Variants in CEMIP observed in about 807,000 individuals in gnomAD.
The protein encoded by CEMIP is cell migration-inducing and hyaluronan-binding protein.
Under a neutral mutation model 156.9 loss-of-function variants are expected in CEMIP, and 105 were observed. The observed-to-expected ratio is 0.67, with a 90% CI of 0.57 to 0.79. The LOEUF (loss-of-function observed/expected upper bound fraction) is 0.79. Among genes scored for constraint, CEMIP ranks in the 30% least tolerant of loss-of-function variants. The probability of loss-of-function intolerance (pLI) is 0.00; values close to 1 mark genes in which losing one functional copy is unlikely to be tolerated. For synonymous variants in CEMIP, 676 were observed against 668.4 expected, an observed-to-expected ratio of 1.01 and a Z score of -0.17; for missense variants, 1,457 against 1,769.4, an observed-to-expected ratio of 0.82 and a Z score of 3.17.
intron 10 of CEMIP, among the ~76,000 whole-genome samples, chr15:80,893,254 ATAAT>A (rs1339719570): frequency 6.6e-6 from 1 of 152,078 alleles, no homozygotes; most frequent in Non-Finnish European, 1.5e-5. Context: ...TATTATATTG[ATAAT>A]TATTTTGTTA....
At chr15:80,879,583 G>A in intron 4 of CEMIP, 133 bp from the exon 5 acceptor site, 1 of 1,016,202 alleles carries the variant, frequency 9.8e-7, no homozygotes, top group Non-Finnish European at 1.5e-6. Flanking sequence ...CCAAGCATAG[G>A]AATGTTTGGA....
At chr15:80,943,655 C>T (rs1346387781) in intron 28 of CEMIP, among the ~76,000 whole-genome samples, 2 of 152,208 alleles carry the variant, frequency 1.3e-5, no homozygotes, top group African/African-American at 4.8e-5. Flanking sequence ...TTTGTCTCCT[C>T]TTTCTTTCCT....
chr15:80,874,141 G>A lies in CEMIP; in HGVS notation c.94+168G>A, dbSNP rs7174325. Among the ~76,000 whole-genome samples the A allele has an allele frequency of 0.27, 41,244 of 152,158 alleles. 6,254 individuals carry two copies. The highest frequency in any genetic ancestry group is 0.59 in the East Asian group (3,037 of 5,176). Reference sequence around the variant, plus strand: ...AACTCCTTGGTCCCCGGCACGTTTCGTCCTGGGCTTCAGTTTCATCATCCA... The same window carrying A: ...AACTCCTTGGTCCCCGGCACGTTTCATCCTGGGCTTCAGTTTCATCATCCA... On this transcript the variant is annotated intron_variant, in intron 3 of 29. Transcript: ENST00000394685.
rs1325307469 is a variant in CEMIP, at chr15:80,862,495, G to A, written c.-175-11043G>A. Among the ~76,000 whole-genome samples the A allele has an allele frequency of 9.2e-5, 14 of 152,346 alleles. No homozygotes were observed. In the East Asian group the frequency reaches 1.4e-3, roughly 15 times the overall value. On this transcript the variant is annotated intron_variant, in intron 1 of 29. Coordinates refer to ENST00000394685, the MANE Select transcript of CEMIP (RefSeq NM_001293298.2). ...CAGCATTCATTACCAGGTCCTATGT[G>A]TGTTGAATGAACCTCTCTGTCAGCC...
At chr15:80,876,067 G>C (rs1033134217) in intron 3 of CEMIP, among the ~76,000 whole-genome samples, 2 of 152,234 alleles carry the variant, frequency 1.3e-5, no homozygotes, top group African/African-American at 4.8e-5. Context: ...AGGCTGCAAG[G>C]CTTTGCCCAG....
chr15:80,860,717 C>G (rs1223476126), intron 1 of CEMIP, among the ~76,000 whole-genome samples: 1 of 152,136 alleles, frequency 6.6e-6, no homozygotes, highest in Non-Finnish European at 1.5e-5. Flanking sequence ...TTCCCACCCC[C>G]ACCTTGCCTG....
intron 7 of CEMIP, among the ~76,000 whole-genome samples, chr15:80,885,276 T>G (rs1330174336): frequency 1.3e-5 from 2 of 152,212 alleles, no homozygotes; most frequent in Non-Finnish European, 2.9e-5. Context: ...GAGACTTTTC[T>G]GGGCTTGGAG....
At chr15:80,825,122 G>T (rs746383361) in intron 1 of CEMIP, among the ~76,000 whole-genome samples, 1 of 152,178 alleles carries the variant, frequency 6.6e-6, no homozygotes, top group East Asian at 1.9e-4. Context: ...TTACCTATGG[G>T]CTGTCATAAC....
At chr15:80,798,191 A>G (rs867373114) in intron 1 of CEMIP, among the ~76,000 whole-genome samples, 8 of 152,330 alleles carry the variant, frequency 5.3e-5, no homozygotes, top group Middle Eastern at 6.8e-3. Context: ...GATAGACACT[A>G]TAGGAATTTT....
chr15:80,840,058 G>T (rs957025504), intron 1 of CEMIP, among the ~76,000 whole-genome samples: 1 of 152,256 alleles, frequency 6.6e-6, no homozygotes, highest in Non-Finnish European at 1.5e-5. Flanking sequence ...CCCCAGGCCA[G>T]CAGGGAAGAG....
In CEMIP at chr15:80,951,590, T is replaced by C. The variant is rs1427150944; in HGVS notation, c.*2666T>C. On this transcript the variant is annotated 3_prime_UTR_variant, in exon 30 of 30. Coordinates refer to ENST00000394685, the MANE Select transcript of CEMIP (RefSeq NM_001293298.2). Reference sequence around the variant, plus strand: ...CATCACCATGAACAAAGATATATTTTCTATTTATTTATTATATGTGCACTT... The same window carrying C: ...CATCACCATGAACAAAGATATATTTCCTATTTATTTATTATATGTGCACTT... 1 of 152,672 alleles carries C rather than the reference T, an allele frequency of 6.5e-6. No individual in the cohort carries two copies. The highest frequency in any genetic ancestry group is 1.5e-5 in the Non-Finnish European group (1 of 68,036). 9.5% of individuals were successfully genotyped at this position (152,672 alleles called of 1,614,324 possible). A position where few individuals can be genotyped will look rare whatever the true frequency, so the allele number is the denominator to read the frequency against.
At chr15:80,795,309 T>C (rs1288248796) in intron 1 of CEMIP, among the ~76,000 whole-genome samples, 1 of 151,802 alleles carries the variant, frequency 6.6e-6, no homozygotes, top group Non-Finnish European at 1.5e-5. Flanking sequence ...TGATAGGCAA[T>C]AGTTAGCAAA....
intron 12 of CEMIP, among the ~76,000 whole-genome samples, chr15:80,900,642 G>GTGTGTGTGTGTGTGTGTC (rs1596172870): frequency 7.9e-6 from 1 of 127,212 alleles, no homozygotes; most frequent in East Asian, 2.0e-4. Context: ...GTGTGTGTGT[G>GTGTGTGTGTGTGTGTGTC]TGTGTGTCTG....
At chr15:80,808,924 A>G (rs16972406) in intron 1 of CEMIP, among the ~76,000 whole-genome samples, 9,022 of 152,336 alleles carry the variant, frequency 0.059, 322 homozygotes, top group Middle Eastern at 0.13. Flanking sequence ...ATGCTGTCCC[A>G]GAATTGCAGA....
intron 1 of CEMIP, among the ~76,000 whole-genome samples, chr15:80,786,910 G>T (rs1264646911): frequency 6.6e-6 from 1 of 152,146 alleles, no homozygotes; most frequent in African/African-American, 2.4e-5. Flanking sequence ...AATTTGGCAA[G>T]GTCTATCCAG....
intron 14 of CEMIP, among the ~76,000 whole-genome samples, chr15:80,914,909 C>T (rs538100810): frequency 6.0e-5 from 9 of 150,688 alleles, no homozygotes; most frequent in East Asian, 2.0e-4. Flanking sequence ...AAGGACAATT[C>T]GATGGTTAGG....
At chr15:80,883,598 C>T (rs528826324) in intron 6 of CEMIP, among the ~76,000 whole-genome samples, 60 of 152,222 alleles carry the variant, frequency 3.9e-4, no homozygotes, top group African/African-American at 1.4e-3. Flanking sequence ...TTCTAAGATG[C>T]ATTATCATAA....
rs373495181 is a variant in CEMIP at position 80,935,723 on chromosome 15, G to GT, written c.3010-943dup. ...GATGTGCCATAAAACAGGACATGGC[G>GT]TTTTTTTTGTTTTTGTTTTTGTTTT... is the stretch of plus-strand genomic sequence containing the variant. On this transcript the variant is annotated intron_variant, in intron 23 of 29. Transcript: ENST00000394685. Among the ~76,000 whole-genome samples the GT allele has an allele frequency of 4.7e-3, 716 of 151,922 alleles. 6 individuals are homozygous for GT. The highest frequency in any genetic ancestry group is 0.016 in the African/African-American group (656 of 41,446).
At chr15:80,809,939 C>T (rs1896616605) in intron 1 of CEMIP, among the ~76,000 whole-genome samples, 1 of 152,136 alleles carries the variant, frequency 6.6e-6, no homozygotes, top group Non-Finnish European at 1.5e-5. Flanking sequence ...TTAAAGGGCC[C>T]ATGTGATTAA....
Sources: gnomAD v4.1 joint callset for allele counts (sites outside exome capture counted in the v4.1 genomes callset) on GRCh38, gnomAD v4.1.1 for gene constraint, MANE v1.5 for transcripts, NCBI Gene and HGNC (gene_info 2026-07-23, HGNC 2026-07-21) for gene names.